The following GPR139 variants were observed in gnomAD, a reference collection of about 807,000 sequenced individuals.
The protein encoded by GPR139 is probable G protein-coupled receptor 139.
GPR139 carries 12 observed loss-of-function variants against 25.8 expected under a neutral mutation model. That is an observed-to-expected ratio of 0.47 (90% CI 0.30 to 0.75). GPR139 has a LOEUF of 0.75. Ranked by LOEUF, GPR139 falls within the 30% of genes least tolerant of loss-of-function variation. GPR139 has a pLI of 0.07. For synonymous variants in GPR139, 184 were observed against 179.9 expected (o/e 1.02, Z -0.18); for missense variants, 380 against 450.2 (o/e 0.84, Z 1.41).
At chr16:20,060,302 T>C (rs2057407658) in intron 1 of GPR139, among the ~76,000 whole-genome samples, 1 of 151,874 alleles carries the variant, frequency 6.6e-6, no homozygotes, top group South Asian at 2.1e-4. Flanking sequence ...TCTATATGTG[T>C]ATCTCTGTGT....
rs1046717900 is a variant in GPR139 at position 20,073,420 on chromosome 16, G to A, written c.127+70C>T. ...GCCAGGGAACGCACGGGGGAGGACG[G>A]GGGATTCTGGGTAGGGTTGCCCGGC... On this transcript the variant is annotated intron_variant, in intron 1 of 1. Coordinates refer to ENST00000570682, the MANE Select transcript of GPR139 (RefSeq NM_001002911.4). This position sits in a 1 kb window ranked among gnomAD's most constrained non-coding sequence, Gnocchi z 4.7. 95 of 1,570,314 alleles carry A rather than the reference G, an allele frequency of 6.0e-5. No individual in the cohort carries two copies. In the Admixed American group the frequency reaches 1.6e-3, roughly 27 times the overall value.
At chr16:20,071,711 C>T (rs2057459868) in intron 1 of GPR139, among the ~76,000 whole-genome samples, 1 of 152,170 alleles carries the variant, frequency 6.6e-6, no homozygotes, top group Non-Finnish European at 1.5e-5. Context: ...TGTGAAGGTG[C>T]GAGGTACCTT....
At chr16:20,060,621 G>A (rs1393311714) in intron 1 of GPR139, among the ~76,000 whole-genome samples, 1 of 152,208 alleles carries the variant, frequency 6.6e-6, no homozygotes, top group Non-Finnish European at 1.5e-5. Flanking sequence ...AGTGGAGAAA[G>A]AAAAGAAGTC....
rs2057281637 is a variant in GPR139, at chr16:20,029,982, GT to G, written c.*1752del. Among the ~76,000 whole-genome samples the G allele has an allele frequency of 6.6e-6, 1 of 152,110 alleles. No individual in the cohort carries two copies. Among genetic ancestry groups the G allele is most frequent in the African/African-American group, 2.4e-5 (1 of 41,436 alleles). On this transcript the variant is annotated 3_prime_UTR_variant, in exon 2 of 2. Transcript: ENST00000570682. ...GCAAAGGTAACTTTGGCTCTGTAAG[GT>G]TTTATCTTTTGCACTGACTTTAGAA...
intron 1 of GPR139, among the ~76,000 whole-genome samples, chr16:20,046,307 C>G (rs1567236964): frequency 2.0e-5 from 3 of 152,212 alleles, no homozygotes; most frequent in African/African-American, 4.8e-5. Context: ...GTTCCAGACA[C>G]AGAGATGCAG....
chr16:20,051,796 G>A (rs2057373208), intron 1 of GPR139, among the ~76,000 whole-genome samples: 1 of 152,178 alleles, frequency 6.6e-6, no homozygotes, highest in Admixed American at 6.5e-5. Context: ...CTCTGGAGGA[G>A]TTTGCTTCTT....
intron 1 of GPR139, among the ~76,000 whole-genome samples, chr16:20,058,338 T>A (rs968649407): frequency 2.1e-5 from 1 of 46,816 alleles, no homozygotes; most frequent in African/African-American, 8.0e-5. Flanking sequence ...ATGTGGAGTG[T>A]GTGTGTGTGT....
intron 1 of GPR139, among the ~76,000 whole-genome samples, chr16:20,065,994 TTTTG>T (rs911154341): frequency 2.5e-4 from 38 of 152,316 alleles, no homozygotes; most frequent in African/African-American, 8.2e-4. Flanking sequence ...TAGTTTGTTT[TTTTG>T]TTTGTTTTGT....
At chr16:20,056,801 C>G (rs1205370813) in intron 1 of GPR139, among the ~76,000 whole-genome samples, 1 of 152,122 alleles carries the variant, frequency 6.6e-6, no homozygotes, top group Non-Finnish European at 1.5e-5. Flanking sequence ...GAAAGCAAAC[C>G]TTGGAAGGAA....
At chr16:20,048,963 A>T (rs72772721) in intron 1 of GPR139, among the ~76,000 whole-genome samples, 12,364 of 152,038 alleles carry the variant, frequency 0.081, 592 homozygotes, top group Non-Finnish European at 0.11. Flanking sequence ...TACCTTCCCC[A>T]CCCACAATCC....
rs1383056575 is a variant in GPR139, at chr16:20,032,046, G to T, written c.751C>A (p.His251Asn). The T allele has an allele frequency of 6.2e-7, 1 of 1,614,030 alleles. No individual in the cohort carries two copies. The highest frequency in any genetic ancestry group is 1.3e-5 in the African/African-American group (1 of 74,906). Residue 251 changes from histidine (H) to asparagine (N), a missense_variant, in exon 2 of 2, where the codon CAC (histidine) becomes AAC (asparagine). Coordinates refer to ENST00000570682, the MANE Select transcript of GPR139 (RefSeq NM_001002911.4). Reference protein sequence around the residue: ...WAPRIIMILYHLYGAPIQNRW... With the variant: ...WAPRIIMILYNLYGAPIQNRW... ...TTCTGGATGGGCGCCCCATAGAGGTGGTAAAGAATCATGATGATGCGGGGG... is the reference window on the plus strand; with the variant it reads ...TTCTGGATGGGCGCCCCATAGAGGTTGTAAAGAATCATGATGATGCGGGGG...
chr16:20,054,486 C>T (rs2057382525), intron 1 of GPR139, among the ~76,000 whole-genome samples: 1 of 151,992 alleles, frequency 6.6e-6, no homozygotes, highest in Non-Finnish European at 1.5e-5. Flanking sequence ...TTATTAGAGC[C>T]AGCAAGAGCA....
rs1596473323 is a variant in GPR139 at position 20,073,387 on chromosome 16, G to A, written c.127+103C>T. Reference sequence around the variant, plus strand: ...TGCCCTTAAAGCTTAAACTTTTTCCGAGGGGGCGCCAGGGAACGCACGGGG... The same window carrying A: ...TGCCCTTAAAGCTTAAACTTTTTCCAAGGGGGCGCCAGGGAACGCACGGGG... On this transcript the variant is annotated intron_variant, in intron 1 of 1. Transcript: ENST00000570682. The surrounding 1 kb of genome is among the most constrained non-coding windows in gnomAD (Gnocchi z 4.7). The A allele has an allele frequency of 1.3e-6, 2 of 1,511,236 alleles. No homozygotes were observed. The highest frequency in any genetic ancestry group is 4.9e-5 in the East Asian group (2 of 40,726). The allele number at this position is 1,511,236 out of a possible 1,614,324, so 93.6% of individuals were successfully genotyped here.
intron 1 of GPR139, among the ~76,000 whole-genome samples, chr16:20,040,491 A>G (rs561019513): frequency 4.6e-5 from 7 of 152,332 alleles, no homozygotes; most frequent in African/African-American, 1.4e-4. Flanking sequence ...ATTTTTCCAT[A>G]TGTCAATGAT....
At chr16:20,069,523 G>A (rs533865514) in intron 1 of GPR139, among the ~76,000 whole-genome samples, 4 of 152,138 alleles carry the variant, frequency 2.6e-5, no homozygotes, top group Non-Finnish European at 5.9e-5. Flanking sequence ...TATCTGCCAG[G>A]CTACAGACTC....
chr16:20,044,994 A>ATTT (rs10581585), intron 1 of GPR139, among the ~76,000 whole-genome samples: 2 of 86,328 alleles, frequency 2.3e-5, no homozygotes, highest in African/African-American at 4.8e-5. Flanking sequence ...CACTTGCACT[A>ATTT]TTTTTTTTTT....
intron 1 of GPR139, among the ~76,000 whole-genome samples, chr16:20,040,801 G>A (rs1379575): frequency 0.19 from 29,080 of 152,012 alleles, 3,514 homozygotes; most frequent in East Asian, 0.35. Flanking sequence ...GAACTTTTTT[G>A]ATTGCAATGG....
rs1567235835 is a variant in GPR139 at position 20,041,116 on chromosome 16, GAA to G, written c.128-8449_128-8448del. 8.4e-3 allele frequency among the ~76,000 whole-genome samples: 32 copies of G among 3,812 alleles called. 7 individuals are homozygous for G. Among genetic ancestry groups the G allele is most frequent in the African/African-American group, 0.045 (19 of 426 alleles). 2.5% of individuals were successfully genotyped at this position (3,812 alleles called of 152,430 possible). ...CAGAGTGAGACTCTGACCCAGAAAG[GAA>G]AGGAAAGGAAAGGAGAGGAGAGGAG... is the stretch of plus-strand genomic sequence containing the variant. On this transcript the variant is annotated intron_variant, in intron 1 of 1. Transcript: ENST00000570682.
intron 1 of GPR139, among the ~76,000 whole-genome samples, chr16:20,046,160 A>G (rs978114595): frequency 1.3e-5 from 2 of 152,244 alleles, no homozygotes; most frequent in African/African-American, 4.8e-5. Flanking sequence ...AAATGCAGCC[A>G]ACACAAAGCC....
Sources: allele counts gnomAD v4.1 joint callset (sites outside exome capture counted in the v4.1 genomes callset), GRCh38; gene constraint gnomAD v4.1.1; non-coding constraint Gnocchi (gnomAD v3.1); transcripts MANE v1.5; gene names NCBI Gene and HGNC (gene_info 2026-07-23, HGNC 2026-07-21).